KCNH8: variants seen among roughly 807,000 people sequenced by gnomAD.
KCNH8 encodes the protein voltage-gated delayed rectifier potassium channel KCNH8.
Under a neutral mutation model 103.6 loss-of-function variants are expected in KCNH8, and 70 were observed. The ratio of observed to expected loss-of-function variants is 0.68; its 90% confidence interval spans 0.56 to 0.82. KCNH8 has a LOEUF of 0.82. KCNH8 is among the 40% of genes least tolerant of loss of function. The pLI, the probability that KCNH8 is intolerant of heterozygous loss-of-function variation, is 0.00. For missense variants in KCNH8, 1,217 were observed against 1,329.9 expected (o/e 0.92, Z 1.32); for synonymous variants, 498 against 489.4 (o/e 1.02, Z -0.23).
intron 7 of KCNH8, among the ~76,000 whole-genome samples, chr3:19,397,451 G>T (rs1342435045): frequency 1.3e-5 from 2 of 151,014 alleles, no homozygotes; most frequent in East Asian, 2.0e-4. Flanking sequence ...CATGAGTAAT[G>T]ATTATCAAGA....
intron 2 of KCNH8, among the ~76,000 whole-genome samples, chr3:19,280,176 G>A (rs2064736888): frequency 6.6e-6 from 1 of 151,730 alleles, no homozygotes; most frequent in African/African-American, 2.4e-5. Flanking sequence ...GAAAATATAA[G>A]CTTTAGGCAG....
Position 19,301,605 on chromosome 3 carries a change from A to T in KCNH8, c.442+20276A>T, listed in dbSNP as rs114361610. Among the ~76,000 whole-genome samples, 532 of 152,218 alleles carry T rather than the reference A, an allele frequency of 3.5e-3. 3 individuals carry two copies. Among genetic ancestry groups the T allele is most frequent in the South Asian group, 9.3e-3 (45 of 4,828 alleles). On this transcript the variant is annotated intron_variant, in intron 3 of 15. Transcript: ENST00000328405. ...TTTTTCGACATCAAGCAATTCTCCAATTCTCTGTGGACACCAAGTGGGTGT... is the reference window on the plus strand; with the variant it reads ...TTTTTCGACATCAAGCAATTCTCCATTTCTCTGTGGACACCAAGTGGGTGT...
intron 1 of KCNH8, among the ~76,000 whole-genome samples, chr3:19,197,026 C>T (rs1340788337): frequency 6.6e-6 from 1 of 151,966 alleles, no homozygotes; most frequent in African/African-American, 2.4e-5. Context: ...AACAGGGGTC[C>T]TATTACTTCT....
At chr3:19,278,339 T>C (rs893178337) in intron 2 of KCNH8, among the ~76,000 whole-genome samples, 1 of 151,640 alleles carries the variant, frequency 6.6e-6, no homozygotes, top group African/African-American at 2.4e-5. Flanking sequence ...TATACCTGAA[T>C]ATTCGTAAGA....
intron 5 of KCNH8, 92 bp from the exon 6 acceptor site, chr3:19,390,389 C>G: frequency 3.2e-6 from 3 of 927,310 alleles, no homozygotes; most frequent in Non-Finnish European, 4.9e-6. Flanking sequence ...GCCTGTCTCC[C>G]TTCCTTTCTT....
chr3:19,282,804 T>TA (rs1310481106), intron 3 of KCNH8, among the ~76,000 whole-genome samples: 1 of 152,170 alleles, frequency 6.6e-6, no homozygotes, highest in Admixed American at 6.5e-5. Context: ...TCAATAAAAA[T>TA]ACTCATTTTT....
intron 11 of KCNH8, among the ~76,000 whole-genome samples, chr3:19,502,509 C>G (rs1381411033): frequency 6.6e-6 from 1 of 152,194 alleles, no homozygotes; most frequent in African/African-American, 2.4e-5. Flanking sequence ...ATCACACTAC[C>G]TGACTTCAAA....
intron 1 of KCNH8, among the ~76,000 whole-genome samples, chr3:19,152,334 G>A (rs2063138706): frequency 6.6e-6 from 1 of 152,038 alleles, no homozygotes; most frequent in Non-Finnish European, 1.5e-5. Flanking sequence ...GTTTGTCACA[G>A]GATACCATTT....
chr3:19,458,650 C>T (rs926528719), intron 11 of KCNH8, among the ~76,000 whole-genome samples: 1 of 151,906 alleles, frequency 6.6e-6, no homozygotes, highest in South Asian at 2.1e-4. Context: ...TACAATACAT[C>T]GTTATTAACT....
At chr3:19,404,915 G>A (rs1187963741) in intron 7 of KCNH8, among the ~76,000 whole-genome samples, 1 of 151,688 alleles carries the variant, frequency 6.6e-6, no homozygotes, top group East Asian at 1.9e-4. Context: ...TCTGTTGACA[G>A]TATAATTTTA....
intron 8 of KCNH8, among the ~76,000 whole-genome samples, chr3:19,440,291 A>G (rs924265472): frequency 3.3e-5 from 5 of 152,206 alleles, no homozygotes; most frequent in African/African-American, 4.8e-5. Flanking sequence ...GAAAGGAAGG[A>G]AAATAACAGG....
At chr3:19,185,523 A>T (rs1208033768) in intron 1 of KCNH8, among the ~76,000 whole-genome samples, 1 of 151,884 alleles carries the variant, frequency 6.6e-6, no homozygotes, top group African/African-American at 2.4e-5. Context: ...CCTTTACCAA[A>T]TGTAGGATTT....
At position 19,527,643 on chromosome 3, in the gene KCNH8, C is replaced by A. The variant is rs2069088519; in HGVS notation, c.2620-5752C>A. ...TAAACCAACAGAAGTTCTGAGGAAA[C>A]CTGGATACAGCAGAAATAGAAAAGC... On this transcript the variant is annotated intron_variant, in intron 15 of 15. Transcript: ENST00000328405. Among the ~76,000 whole-genome samples the A allele has an allele frequency of 1.3e-5, 2 of 152,018 alleles. 1 individual carries two copies. The highest frequency in any genetic ancestry group is 4.1e-4 in the South Asian group (2 of 4,824).
intron 7 of KCNH8, among the ~76,000 whole-genome samples, chr3:19,399,947 A>G (rs983293089): frequency 3.3e-5 from 5 of 151,948 alleles, no homozygotes; most frequent in African/African-American, 7.2e-5. Flanking sequence ...CAGATTGCCA[A>G]TGCAAGAAGT....
intron 5 of KCNH8, among the ~76,000 whole-genome samples, chr3:19,376,606 G>T (rs1357105706): frequency 6.6e-6 from 1 of 152,162 alleles, no homozygotes; most frequent in African/African-American, 2.4e-5. Context: ...TTCCTATTCG[G>T]CCATCTTGGC....
chr3:19,230,764 A>T (rs1318863235), intron 1 of KCNH8, among the ~76,000 whole-genome samples: 2 of 152,350 alleles, frequency 1.3e-5, no homozygotes, highest in South Asian at 2.1e-4. Context: ...GGACAGTGTG[A>T]TTTATGAGTG....
rs542741612 is a variant in KCNH8 at position 19,352,322 on chromosome 3, A to C, written c.811+4357A>C. ...CCCCACTGTCAATATTAGACAGATC[A>C]ACAAGACAGAAAGTTAACAAGGATA... On this transcript the variant is annotated intron_variant, in intron 5 of 15. Transcript: ENST00000328405. 2.5e-3 allele frequency among the ~76,000 whole-genome samples: 378 copies of C among 152,216 alleles called. 2 individuals are homozygous for C. The highest frequency in any genetic ancestry group is 8.6e-3 in the African/African-American group (358 of 41,548).
intron 1 of KCNH8, among the ~76,000 whole-genome samples, chr3:19,180,958 G>A (rs2063446873): frequency 1.3e-5 from 2 of 152,034 alleles, no homozygotes; most frequent in African/African-American, 4.8e-5. Context: ...TGGTAGACTA[G>A]AGACAGAAAT....
intron 11 of KCNH8, among the ~76,000 whole-genome samples, chr3:19,465,418 T>G (rs1358886463): frequency 6.6e-6 from 1 of 152,146 alleles, no homozygotes; most frequent in South Asian, 2.1e-4. Context: ...AATAAAAGAT[T>G]CCTTTCAAAA....
Sources: gnomAD v4.1 joint callset for allele counts (sites outside exome capture counted in the v4.1 genomes callset) on GRCh38, gnomAD v4.1.1 for gene constraint, MANE v1.5 for transcripts, NCBI Gene and HGNC (gene_info 2026-07-23, HGNC 2026-07-21) for gene names.